The following PSME4 variants were observed in gnomAD, a reference collection of about 807,000 sequenced individuals.
PSME4 encodes proteasome activator complex subunit 4.
A neutral mutation model predicts 253.9 loss-of-function variants in PSME4; 89 were observed. The observed-to-expected ratio is 0.35, with a 90% CI of 0.30 to 0.42. The LOEUF (loss-of-function observed/expected upper bound fraction) is 0.42. Among genes scored for constraint, PSME4 ranks in the 10% least tolerant of loss-of-function variants. PSME4 has a pLI of 1.00. For missense variants in PSME4, 2,014 were observed against 2,195.2 expected (o/e 0.92, Z 1.65); for synonymous variants, 851 against 759.2 (o/e 1.12, Z -1.99).
chr2:53,932,151 G>A, intron 9 of PSME4, 51 bp from the exon 10 acceptor site: 2 of 1,523,884 alleles, frequency 1.3e-6, no homozygotes, highest in Non-Finnish European at 1.8e-6. Context: ...TTGCCGCATA[G>A]ACATTCATGG....
intron 7 of PSME4, among the ~76,000 whole-genome samples, 172 bp from the exon 8 acceptor site, chr2:53,934,899 A>C (rs142324585): frequency 1.2e-4 from 19 of 152,348 alleles, no homozygotes; most frequent in African/African-American, 4.3e-4. Flanking sequence ...AATTACATAT[A>C]AATATCAACA....
intron 43 of PSME4, among the ~76,000 whole-genome samples, chr2:53,873,163 C>A (rs1177967715): frequency 6.7e-6 from 1 of 148,994 alleles, no homozygotes; most frequent in East Asian, 2.0e-4. Context: ...ATGGCGTGAA[C>A]CCAGGAGGCG....
In PSME4 at chr2:53,866,192, C is replaced by T. The variant is rs768767299; in HGVS notation, c.5429G>A (p.Arg1810Gln). 10 of 1,613,772 alleles carry T rather than the reference C, an allele frequency of 6.2e-6. No individual in the cohort carries two copies. The highest frequency in any genetic ancestry group is 3.3e-5 in the Admixed American group (2 of 59,990). ...MTVKKTLSNF[R>Q]RTHHDNWQEH... ...CTGCCAGTTGTCATGGTGAGTCCTTCGGAAATTGGATAAGGTTTTTTTTAC... is the reference window on the plus strand; with the variant it reads ...CTGCCAGTTGTCATGGTGAGTCCTTTGGAAATTGGATAAGGTTTTTTTTAC... The change falls in exon 46 of 47, where the codon CGA becomes CAA. Residue 1810 changes from arginine to glutamine, a missense_variant. Around this residue, in one of 4 missense-constraint regions of PSME4, gnomAD observed 403 missense variants for 556.1 expected, o/e 0.72. Transcript: ENST00000404125.
chr2:53,893,935 T>C, intron 34 of PSME4, 136 bp from the exon 35 acceptor site: 2 of 1,328,536 alleles, frequency 1.5e-6, no homozygotes, highest in East Asian at 3.0e-5. Flanking sequence ...TTAGTTCTCA[T>C]AGACTACAGT....
intron 38 of PSME4, 36 bp from the exon 39 acceptor site, chr2:53,888,025 C>T (rs756454072): frequency 1.3e-6 from 2 of 1,573,664 alleles, no homozygotes; most frequent in East Asian, 4.6e-5. Flanking sequence ...TATTGGAGGC[C>T]CTTTCTGCCT....
At chr2:53,888,229 A>G (rs550222084) in intron 38 of PSME4, 209 of 338,804 alleles carry the variant, frequency 6.2e-4, no homozygotes, top group South Asian at 7.6e-4. Context: ...CTGACTTAAG[A>G]ATACTCACTG....
intron 41 of PSME4, among the ~76,000 whole-genome samples, chr2:53,885,439 A>G (rs1307113552): frequency 6.6e-6 from 1 of 152,238 alleles, no homozygotes; most frequent in Non-Finnish European, 1.5e-5. Flanking sequence ...CTCAGAAATT[A>G]GCTACCAGGT....
In PSME4 at chr2:53,913,553, T is replaced by C. The variant is rs372103662; in HGVS notation, c.2517-3423A>G. Among the ~76,000 whole-genome samples, 48 of 152,124 alleles carry C rather than the reference T, an allele frequency of 3.2e-4. No homozygotes were observed. In the South Asian group the frequency reaches 5.0e-3, roughly 16 times the overall value. On this transcript the variant is annotated intron_variant, in intron 20 of 46. Transcript: ENST00000404125. ...TTCCCCTTCCAAATAAAAATAAACA[T>C]AAAAGATGTAAAACCAAGCCACTAA...
chr2:53,876,716 C>CATTTTTTTTTTTTTTTTTTTTTTTT (rs1679141647), intron 41 of PSME4, among the ~76,000 whole-genome samples: 1 of 97,832 alleles, frequency 1.0e-5, no homozygotes. Flanking sequence ...CACTGTCATT[C>CATTTTTTTTTTTTTTTTTTTTTTTT]TTTTTTTTTT....
rs961125136 is a variant in PSME4, at chr2:53,912,299, T to C, written c.2517-2169A>G. 1.1e-4 allele frequency among the ~76,000 whole-genome samples: 16 copies of C among 152,282 alleles called. No homozygotes were observed. The East Asian group carries it at 2.9e-3, about 28-fold the overall frequency. On this transcript the variant is annotated intron_variant, in intron 20 of 46. Transcript: ENST00000404125. Reference sequence around the variant, plus strand: ...TTGGTATGCTGTAGGTCCAATCCCCTAACTTCACCAAGGGAAGACTATATA... The same window carrying C: ...TTGGTATGCTGTAGGTCCAATCCCCCAACTTCACCAAGGGAAGACTATATA...
intron 8 of PSME4, among the ~76,000 whole-genome samples, chr2:53,934,006 TA>T (rs1668987536): frequency 6.6e-6 from 1 of 152,148 alleles, no homozygotes; most frequent in African/African-American, 2.4e-5. Context: ...AGCTAACGTG[TA>T]AAACAGAATA....
At chr2:53,912,556 C>A (rs971767025) in intron 20 of PSME4, among the ~76,000 whole-genome samples, 1 of 152,176 alleles carries the variant, frequency 6.6e-6, no homozygotes, top group Non-Finnish European at 1.5e-5. Context: ...CTTCCTGGCT[C>A]AAGTGGACTC....
At chr2:53,923,901 TGACA>T (rs569724242) in intron 14 of PSME4, among the ~76,000 whole-genome samples, 16 of 113,290 alleles carry the variant, frequency 1.4e-4, no homozygotes, top group African/African-American at 5.9e-4. Flanking sequence ...CCAGCCCAGG[TGACA>T]GAGTTAACAA....
rs1358351815 is a variant in PSME4, at chr2:53,864,242, T to C, written c.*1336A>G. On this transcript the variant is annotated 3_prime_UTR_variant, in exon 47 of 47. Transcript: ENST00000404125. ...CAGCATGTAGATACTAAAAATATAC[T>C]GTAGTGTTCCTTTAAGGAAGACTGT... The C allele has an allele frequency of 6.6e-6, 1 of 152,332 alleles. No individual in the cohort carries two copies. Among genetic ancestry groups the C allele is most frequent in the Non-Finnish European group, 1.5e-5 (1 of 68,036 alleles). 9.4% of individuals were successfully genotyped at this position (152,332 alleles called of 1,614,324 possible). A position where few individuals can be genotyped will look rare whatever the true frequency, so the allele number is the denominator to read the frequency against.
chr2:53,932,826 C>G, intron 8 of PSME4, 66 bp from the exon 9 acceptor site: 1 of 1,249,138 alleles, frequency 8.0e-7, no homozygotes, highest in East Asian at 2.3e-5. Context: ...GGTCAACAGG[C>G]CCAAGCCTAT....
chr2:53,940,939 A>AC, intron 3 of PSME4, among the ~76,000 whole-genome samples: 4 of 57,452 alleles, frequency 7.0e-5, no homozygotes, highest in African/African-American at 3.2e-4. Context: ...ATACATATAT[A>AC]AATATATATA....
intron 43 of PSME4, among the ~76,000 whole-genome samples, chr2:53,873,770 G>A (rs578198495): frequency 2.0e-5 from 3 of 152,104 alleles, no homozygotes; most frequent in South Asian, 2.1e-4. Context: ...AAAATCAGTA[G>A]GACTAGTGGG....
intron 20 of PSME4, among the ~76,000 whole-genome samples, chr2:53,912,298 C>T (rs1413826812): frequency 1.3e-5 from 2 of 152,132 alleles, no homozygotes; most frequent in Non-Finnish European, 2.9e-5. Context: ...GTCCAATCCC[C>T]TAACTTCACC....
At chr2:53,963,345 CA>C (rs1670574645) in intron 1 of PSME4, among the ~76,000 whole-genome samples, 1 of 151,884 alleles carries the variant, frequency 6.6e-6, no homozygotes, top group Non-Finnish European at 1.5e-5. Flanking sequence ...AAAAAACACA[CA>C]AAAAAGAAAG....
Sources: allele counts gnomAD v4.1 joint callset (sites outside exome capture counted in the v4.1 genomes callset), GRCh38; gene constraint gnomAD v4.1.1; regional missense constraint gnomAD v4.1.1; transcripts MANE v1.5; gene names NCBI Gene and HGNC (gene_info 2026-07-23, HGNC 2026-07-21).